Variants in PBRM1 observed in about 807,000 individuals in gnomAD.
PBRM1 encodes the protein polybromo 1.
PBRM1 carries 27 observed loss-of-function variants against 194.5 expected under a neutral mutation model. The ratio of observed to expected loss-of-function variants is 0.14; its 90% CI spans 0.10 to 0.19. The LOEUF is 0.19. PBRM1 is among the 10% of genes least tolerant of loss of function. The probability of loss-of-function intolerance (pLI) is 1.00; values close to 1 mark genes in which losing one functional copy is unlikely to be tolerated. For synonymous variants in PBRM1, 655 were observed against 693.2 expected, an observed-to-expected ratio of 0.94 and a Z score of 0.87; for missense variants, 1,466 against 2,077.2, an observed-to-expected ratio of 0.71 and a Z score of 5.72.
At chr3:52,553,696 C>T (rs2153419684) in intron 27 of PBRM1, among the ~76,000 whole-genome samples, 1 of 139,640 alleles carries the variant, frequency 7.2e-6, no homozygotes, top group South Asian at 2.2e-4. Context: ...CGGAGTCTTG[C>T]TGTCGCCCAG....
At chr3:52,576,743 T>C (rs2089708402) in intron 21 of PBRM1, 45 bp from the exon 24 acceptor site, 2 of 1,448,952 alleles carry the variant, frequency 1.4e-6, no homozygotes, top group Admixed American at 2.1e-5. Flanking sequence ...AGTTTCCTTC[T>C]TGAAGGATTA....
At chr3:52,584,924 T>TA (rs974490179) in intron 20 of PBRM1, among the ~76,000 whole-genome samples, 2 of 151,554 alleles carry the variant, frequency 1.3e-5, no homozygotes, top group Non-Finnish European at 2.9e-5. Flanking sequence ...AATATGAATT[T>TA]AAAAAAAAAT....
chr3:52,650,808 G>GA (rs2096469904), intron 6 of PBRM1, among the ~76,000 whole-genome samples: 1 of 152,192 alleles, frequency 6.6e-6, no homozygotes, highest in Non-Finnish European at 1.5e-5. Flanking sequence ...AGTAGAGCTA[G>GA]AAAAACAACC....
chr3:52,568,533 A>T (rs1195221621), intron 22 of PBRM1, among the ~76,000 whole-genome samples: 1 of 152,140 alleles, frequency 6.6e-6, no homozygotes, highest in Non-Finnish European at 1.5e-5. Flanking sequence ...TATGTCAGAG[A>T]TTAACAAAAT....
intron 23 of PBRM1, 88 bp from the exon 26 acceptor site, chr3:52,563,581 G>C: frequency 1.2e-6 from 1 of 855,442 alleles, no homozygotes; most frequent in Non-Finnish European, 1.9e-6. Context: ...ACAACTAGAA[G>C]TGACTTCCTG....
intron 16 of PBRM1, 61 bp from the exon 19 acceptor site, chr3:52,603,793 A>T: frequency 7.2e-7 from 1 of 1,395,860 alleles, no homozygotes; most frequent in Non-Finnish European, 9.8e-7. Context: ...CACCTCAATT[A>T]TATGTTAAAT....
rs1210425820 is a variant in PBRM1, at chr3:52,617,543, T to C, written c.1542-5A>G. On this transcript the variant is annotated splice_region_variant and splice_polypyrimidine_tract_variant and intron_variant, in intron 13 of 29. Coordinates refer to ENST00000296302, the Ensembl canonical transcript of PBRM1. ...TGCTTTCTTATGTTCTTTTTACTGT[T>C]GAGGGGGAGGTAGAAAAGGGGAAAA... 4 of 1,592,578 alleles carry C rather than the reference T, an allele frequency of 2.5e-6. No homozygotes were observed. The highest frequency in any genetic ancestry group is 3.4e-6 in the Non-Finnish European group (4 of 1,174,490).
At position 52,567,152 on chromosome 3, in the gene PBRM1, TC is replaced by T. The variant is rs1224623906; in HGVS notation, c.3692-2920del. 8.6e-5 allele frequency among the ~76,000 whole-genome samples: 13 copies of T among 151,482 alleles called. No homozygotes were observed. The East Asian group carries it at 2.5e-3, about 29-fold the overall frequency. On this transcript the variant is annotated intron_variant, in intron 22 of 29. Coordinates refer to ENST00000296302, the Ensembl canonical transcript of PBRM1. ...AAAAACTCCCATAAATGGTAGCATATCACTTAAAACTGTTTTGCATCTGAAT... is the reference window on the plus strand; with the variant it reads ...AAAAACTCCCATAAATGGTAGCATATACTTAAAACTGTTTTGCATCTGAAT...
intron 17 of PBRM1, among the ~76,000 whole-genome samples, chr3:52,602,256 T>C (rs934189180): frequency 1.3e-5 from 2 of 152,306 alleles, no homozygotes; most frequent in Admixed American, 1.3e-4. Context: ...TTCTCTCCTC[T>C]GGAGCTCCCA....
At chr3:52,642,371 T>C (rs899317398) in intron 9 of PBRM1, among the ~76,000 whole-genome samples, 2 of 152,082 alleles carry the variant, frequency 1.3e-5, no homozygotes, top group Non-Finnish European at 2.9e-5. Flanking sequence ...TCCCAGCACT[T>C]TGGGAGGCCG....
chr3:52,674,647 T>G (rs367898534), intron 2 of PBRM1, among the ~76,000 whole-genome samples: 1 of 125,372 alleles, frequency 8.0e-6, no homozygotes, highest in Non-Finnish European at 1.7e-5. Context: ...AAAAAAAATA[T>G]ATATATATAT....
intron 2 of PBRM1, among the ~76,000 whole-genome samples, chr3:52,678,291 T>C (rs1338518440): frequency 6.6e-6 from 1 of 152,050 alleles, no homozygotes; most frequent in Non-Finnish European, 1.5e-5. Flanking sequence ...GCTGGGATTA[T>C]AGGTGCATGT....
intron 16 of PBRM1, among the ~76,000 whole-genome samples, chr3:52,608,657 CT>C (rs775636737): frequency 2.6e-5 from 4 of 150,990 alleles, no homozygotes; most frequent in Non-Finnish European, 5.9e-5. Context: ...ATTTTTCCAA[CT>C]GTCTCTAAGT....
intron 13 of PBRM1, among the ~76,000 whole-genome samples, chr3:52,621,207 T>G (rs1248780908): frequency 6.6e-6 from 1 of 152,222 alleles, no homozygotes; most frequent in African/African-American, 2.4e-5. Context: ...TTTTTGAGAC[T>G]GAGTCTCAGA....
At chr3:52,592,587 T>C (rs1356546216) in intron 17 of PBRM1, among the ~76,000 whole-genome samples, 2 of 152,250 alleles carry the variant, frequency 1.3e-5, no homozygotes, top group African/African-American at 4.8e-5. Flanking sequence ...TAAGGATTTC[T>C]GCATTAATAA....
chr3:52,625,829 C>T (rs916046819), intron 13 of PBRM1, among the ~76,000 whole-genome samples: 3 of 152,046 alleles, frequency 2.0e-5, no homozygotes, highest in Non-Finnish European at 4.4e-5. Flanking sequence ...CCACCTGGCT[C>T]GGCCTCCCAA....
At chr3:52,684,094 G>A (rs1332120388), upstream of PBRM1, among the ~76,000 whole-genome samples, 1 of 147,904 alleles carries the variant, frequency 6.8e-6, no homozygotes, top group Non-Finnish European at 1.5e-5. Flanking sequence ...CTTGAGCCTA[G>A]GAGCACAAGG....
At chr3:52,548,748 A>C (rs2080100179) in intron 29 of PBRM1, among the ~76,000 whole-genome samples, 1 of 152,060 alleles carries the variant, frequency 6.6e-6, no homozygotes, top group Non-Finnish European at 1.5e-5. Flanking sequence ...TTTTGTAGGC[A>C]TCCCTGATAT....
At chr3:52,602,523 G>A (rs917778180) in intron 17 of PBRM1, among the ~76,000 whole-genome samples, 1 of 152,166 alleles carries the variant, frequency 6.6e-6, no homozygotes, top group Non-Finnish European at 1.5e-5. Context: ...GGAATGTGTG[G>A]AGAGCTTATC....
Sources: gnomAD v4.1 joint callset for allele counts (sites outside exome capture counted in the v4.1 genomes callset) on GRCh38, gnomAD v4.1.1 for gene constraint, MANE v1.5 for transcripts, NCBI Gene and HGNC (gene_info 2026-07-23, HGNC 2026-07-21) for gene names.